Variants in RAB44 observed in about 807,000 individuals in gnomAD.
The protein encoded by RAB44 is ras-related protein Rab-44.
RAB44 carries 67 observed loss-of-function variants against 93.3 expected under a neutral mutation model. The ratio of observed to expected loss-of-function variants is 0.72; its 90% CI spans 0.59 to 0.88. RAB44 has a LOEUF of 0.88. RAB44 is among the 40% of genes least tolerant of loss of function. RAB44 has a pLI of 0.00. For synonymous variants in RAB44, 427 were observed against 520.3 expected (o/e 0.82, Z 2.44); for missense variants, 1,064 against 1,261.7 (o/e 0.84, Z 2.37).
At chr6:36,699,791 C>A (rs1170227038) in intron 1 of RAB44, among the ~76,000 whole-genome samples, 1 of 152,244 alleles carries the variant, frequency 6.6e-6, no homozygotes, top group Non-Finnish European at 1.5e-5. Context: ...CTGCATGGAA[C>A]CTGGCTTTTA....
At chr6:36,698,118 G>A (rs373685885) in intron 1 of RAB44, among the ~76,000 whole-genome samples, 4 of 152,200 alleles carry the variant, frequency 2.6e-5, no homozygotes, top group African/African-American at 4.8e-5. Flanking sequence ...ATCACTACCC[G>A]TAAATGGCTG....
intron 2 of RAB44, among the ~76,000 whole-genome samples, chr6:36,711,754 C>A (rs1221236159): frequency 9.9e-5 from 15 of 152,078 alleles, no homozygotes; most frequent in African/African-American, 3.6e-4. Flanking sequence ...GAGTTAAAGA[C>A]CTTTCGGGCG....
chr6:36,718,199 C>A, intron 6 of RAB44, 81 bp downstream of exon 6: 1 of 972,064 alleles, frequency 1.0e-6, no homozygotes, highest in Non-Finnish European at 1.3e-6. Context: ...AGTGACTGGC[C>A]AGGGTGGGGA....
rs1051819305 is a variant in RAB44 at position 36,721,770 on chromosome 6, G to A, written c.1636G>A (p.Gly546Arg). The A allele has an allele frequency of 2.8e-5, 35 of 1,234,406 alleles. No homozygotes were observed. Among genetic ancestry groups the A allele is most frequent in the South Asian group, 1.2e-4 (3 of 24,416 alleles). The allele number at this position is 1,234,406 out of a possible 1,614,324, so 76.5% of individuals were successfully genotyped here. The change falls in exon 9 of 14, where the codon GGA (glycine) becomes AGA (arginine). Residue 546 changes from glycine (G) to arginine (R), a missense_variant. Transcript: ENST00000612677. ...APPSGAQPGA[G>R]AGPQEPTQTP... ...TCCCAGCGGGGCTCAGCCTGGGGCT[G>A]GAGCAGGACCCCAGGAACCCACACA...
At chr6:36,716,569 C>T (rs954581910) in intron 4 of RAB44, among the ~76,000 whole-genome samples, 2 of 152,054 alleles carry the variant, frequency 1.3e-5, no homozygotes, top group Non-Finnish European at 2.9e-5. Context: ...GAGGGAATTG[C>T]CCTCACCCAC....
rs548088676 is a variant in RAB44 at position 36,722,672 on chromosome 6, A to G, written c.2538A>G (p.Lys846=). The G allele has an allele frequency of 3.2e-6, 5 of 1,550,630 alleles. No individual in the cohort carries two copies. In the South Asian group the frequency reaches 5.9e-5, roughly 18 times the overall value. ...TTCTGGGAGACTCCAACGTGGGCAAAACATCCTTCCTGCACCTGCTGCACC... is the reference window on the plus strand; with the variant it reads ...TTCTGGGAGACTCCAACGTGGGCAAGACATCCTTCCTGCACCTGCTGCACC... ...VIFLGDSNVG[K]TSFLHLLHQN... The change falls in exon 9 of 14, where the codon AAA becomes AAG. Residue 846 remains lysine, a synonymous_variant. Coordinates refer to ENST00000612677, the MANE Select transcript of RAB44 (RefSeq NM_001257357.2).
rs940482157 is a variant in RAB44, at chr6:36,704,456, C to A, written c.207+14C>A. 6.9e-5 allele frequency: 106 copies of A among 1,529,486 alleles called. 2 individuals are homozygous for A. In the Admixed American group the frequency reaches 2.0e-3, roughly 29 times the overall value. 94.7% of individuals were successfully genotyped at this position (1,529,486 alleles called of 1,614,324 possible). ...GAGGACCTGGCGGTGAGCCCAAGAC[C>A]CCCATTTGAATGCTGAATCCCTTTT... On this transcript the variant is annotated intron_variant, in intron 2 of 13. Coordinates refer to ENST00000612677, the MANE Select transcript of RAB44 (RefSeq NM_001257357.2).
rs1762589315 is a variant in RAB44, at chr6:36,704,391, C to T, written c.156C>T (p.Phe52=). ...SQAAAELQAF[F]QDCGAKERGF... ...CAGCGGCAGAACTGCAGGCCTTCTT[C>T]CAGGACTGTGGTGCCAAGGAGAGGG... The change falls in exon 2 of 14, where the codon TTC becomes TTT. Residue 52 remains phenylalanine, a synonymous_variant. Coordinates refer to ENST00000612677, the MANE Select transcript of RAB44 (RefSeq NM_001257357.2). 1 of 1,536,088 alleles carries T rather than the reference C, an allele frequency of 6.5e-7. No homozygotes were observed. The highest frequency in any genetic ancestry group is 8.7e-7 in the Non-Finnish European group (1 of 1,146,910).
At chr6:36,712,655 G>A (rs1762816077) in intron 2 of RAB44, among the ~76,000 whole-genome samples, 2 of 152,192 alleles carry the variant, frequency 1.3e-5, no homozygotes, top group Admixed American at 6.5e-5. Context: ...GTGAGCCACT[G>A]CACCCGGCCT....
Position 36,718,064 on chromosome 6 carries a change from C to A in RAB44, c.678C>A (p.Leu226=). 1.6e-6 allele frequency: 2 copies of A among 1,232,224 alleles called. No homozygotes were observed. The highest frequency in any genetic ancestry group is 2.0e-6 in the Non-Finnish European group (2 of 988,048). 76.3% of individuals were successfully genotyped at this position (1,232,224 alleles called of 1,614,324 possible). A position where few individuals can be genotyped will look rare whatever the true frequency, so the allele number is the denominator to read the frequency against. Residue 226 remains leucine, a synonymous_variant, in exon 6 of 14, where the codon CTC becomes CTA. Coordinates refer to ENST00000612677, the MANE Select transcript of RAB44 (RefSeq NM_001257357.2). ...DSDHHREVQQ[L]YEEMEQQIRQ... ...ACCACCACCGCGAGGTCCAGCAGCT[C>A]TATGAGGAGATGGAGCAGCAGATCC...
chr6:36,715,088 G>GC (rs531688102), intron 3 of RAB44, among the ~76,000 whole-genome samples: 5 of 145,932 alleles, frequency 3.4e-5, no homozygotes, highest in Non-Finnish European at 5.9e-5. Flanking sequence ...GGCTCACTTA[G>GC]CAAGTTGGCT....
chr6:36,727,487 GA>G, intron 10 of RAB44, 89 bp from the exon 11 acceptor site: 1 of 783,482 alleles, frequency 1.3e-6, no homozygotes, highest in Non-Finnish European at 2.2e-6. Flanking sequence ...GAAGCAATTA[GA>G]AGTAGGATAG....
chr6:36,729,486 C>CT lies in RAB44; in HGVS notation c.2898+699dup, dbSNP rs1253274086. ...GGGAATTTTTTTTCTTTCTTTCTTTCTTTTTTTTTTTTTTGAGATGGAATC... is the reference window on the plus strand; with the variant it reads ...GGGAATTTTTTTTCTTTCTTTCTTTCTTTTTTTTTTTTTTTGAGATGGAATC... On this transcript the variant is annotated intron_variant, in intron 12 of 13. Transcript: ENST00000612677. 5.2e-3 allele frequency among the ~76,000 whole-genome samples: 711 copies of CT among 137,186 alleles called. 1 individual carries two copies. Among genetic ancestry groups the CT allele is most frequent in the African/African-American group, 0.015 (549 of 36,838 alleles). The allele number at this position is 137,186 out of a possible 152,430, so 90.0% of individuals were successfully genotyped here.
chr6:36,726,092 G>T, intron 10 of RAB44, 149 bp downstream of exon 10: 1 of 654,966 alleles, frequency 1.5e-6, no homozygotes. Flanking sequence ...TCAAGCCCAA[G>T]GCAGGGGAGA....
In RAB44 at chr6:36,731,842, A is replaced by G. The variant is rs1763370529; in HGVS notation, c.2976-161A>G. Among the ~76,000 whole-genome samples, 1 of 152,192 alleles carries G rather than the reference A, an allele frequency of 6.6e-6. No individual in the cohort carries two copies. The highest frequency in any genetic ancestry group is 6.5e-5 in the Admixed American group (1 of 15,276). On this transcript the variant is annotated intron_variant, in intron 13 of 13. Transcript: ENST00000612677. The surrounding 1 kb of genome is among the most constrained non-coding windows in gnomAD (Gnocchi z 4.0). ...GCCAGAAAGAGAAGGTCAAAGTCTCAGTGACTCAATTCTTCGGGTCTCATG... is the reference window on the plus strand; with the variant it reads ...GCCAGAAAGAGAAGGTCAAAGTCTCGGTGACTCAATTCTTCGGGTCTCATG...
chr6:36,707,324 T>A (rs549104302), intron 2 of RAB44, among the ~76,000 whole-genome samples: 5 of 150,352 alleles, frequency 3.3e-5, no homozygotes, highest in African/African-American at 1.2e-4. Context: ...GCCACTGCAC[T>A]CCAGCCTGGG....
At position 36,732,328 on chromosome 6, in the gene RAB44, T is replaced by C. The variant is rs1228857583; in HGVS notation, c.*235T>C. ...GAGGGGCAGGGGTATGGCAAAACTC[T>C]CCAAACAAAGAAAGTCTAGAAAAAC... is the stretch of plus-strand genomic sequence containing the variant. On this transcript the variant is annotated 3_prime_UTR_variant, in exon 14 of 14. Coordinates refer to ENST00000612677, the MANE Select transcript of RAB44 (RefSeq NM_001257357.2). 3 of 281,164 alleles carry C rather than the reference T, an allele frequency of 1.1e-5. No individual in the cohort carries two copies. Among genetic ancestry groups the C allele is most frequent in the East Asian group, 1.2e-4 (2 of 16,858 alleles). The allele number at this position is 281,164 out of a possible 1,614,324, so 17.4% of individuals were successfully genotyped here.
At chr6:36,710,744 G>C (rs1037513180) in intron 2 of RAB44, among the ~76,000 whole-genome samples, 2 of 151,976 alleles carry the variant, frequency 1.3e-5, no homozygotes, top group Middle Eastern at 3.2e-3. Context: ...TCAGCCTCCT[G>C]AGTAGAGTAG....
At position 36,732,314 on chromosome 6, in the gene RAB44, G is replaced by A. The variant is rs897687989; in HGVS notation, c.*221G>A. 1 of 300,578 alleles carries A rather than the reference G, an allele frequency of 3.3e-6. No individual in the cohort carries two copies. Among genetic ancestry groups the A allele is most frequent in the Non-Finnish European group, 6.1e-6 (1 of 164,102 alleles). The allele number at this position is 300,578 out of a possible 1,614,324, so 18.6% of individuals were successfully genotyped here. A position where few individuals can be genotyped will look rare whatever the true frequency, so the allele number is the denominator to read the frequency against. On this transcript the variant is annotated 3_prime_UTR_variant, in exon 14 of 14. Transcript: ENST00000612677. ...AGTGAACAAGGCTTGAGGGGCAGGGGTATGGCAAAACTCTCCAAACAAAGA... is the reference window on the plus strand; with the variant it reads ...AGTGAACAAGGCTTGAGGGGCAGGGATATGGCAAAACTCTCCAAACAAAGA...
Sources: gnomAD v4.1 joint callset for allele counts (sites outside exome capture counted in the v4.1 genomes callset) on GRCh38, gnomAD v4.1.1 for gene constraint, Gnocchi (gnomAD v3.1) non-coding constraint, MANE v1.5 for transcripts, NCBI Gene and HGNC (gene_info 2026-07-23, HGNC 2026-07-21) for gene names.